DHX36: variants seen among roughly 807,000 people sequenced by gnomAD.
DHX36 encodes the protein ATP-dependent DNA/RNA helicase DHX36.
In DHX36, 50 loss-of-function variants were observed where a neutral mutation model predicts 139.0. The observed-to-expected ratio is 0.36, with a 90% CI of 0.29 to 0.46. The LOEUF is 0.46. Among genes scored for constraint, DHX36 ranks in the 20% least tolerant of loss-of-function variants. The pLI is 1.00. For synonymous variants in DHX36, 425 were observed against 401.9 expected (o/e 1.06, Z -0.69); for missense variants, 1,024 against 1,211.3 (o/e 0.85, Z 2.29).
chr3:154,282,062 C>A (rs547772773), intron 20 of DHX36, among the ~76,000 whole-genome samples: 1 of 152,228 alleles, frequency 6.6e-6, no homozygotes, highest in Non-Finnish European at 1.5e-5. Flanking sequence ...CTGGACATGA[C>A]ATTCTCAAAC....
At chr3:154,307,268 C>A (rs541550537) in intron 5 of DHX36, among the ~76,000 whole-genome samples, 1 of 152,108 alleles carries the variant, frequency 6.6e-6, no homozygotes, top group East Asian at 1.9e-4. Context: ...TAAAAATAGA[C>A]AAATGGGAAT....
chr3:154,283,890 A>ATTATGATCCTCTATT (rs1307718218), intron 19 of DHX36, among the ~76,000 whole-genome samples: 1 of 152,196 alleles, frequency 6.6e-6, no homozygotes, highest in African/African-American at 2.4e-5. Context: ...TATGTACATG[A>ATTATGATCCTCTATT]TTATGATCCT....
At position 154,315,123 on chromosome 3, in the gene DHX36, G is replaced by A. The variant is rs1424065620; in HGVS notation, c.526C>T (p.Pro176Ser). ...AATTTTTGGTCTAAAGTTCCATCTGGTTCATTTTCTTGCAAGAGATACTCA... is the reference window on the plus strand; with the variant it reads ...AATTTTTGGTCTAAAGTTCCATCTGATTCATTTTCTTGCAAGAGATACTCA... ...DSEYLLQENE[P>S]DGTLDQKLLE... Residue 176 changes from proline to serine, a missense_variant, in exon 3 of 25, where the codon CCA becomes TCA. Coordinates refer to ENST00000496811, the MANE Select transcript of DHX36 (RefSeq NM_020865.3). 6.2e-7 allele frequency: 1 copy of A among 1,612,602 alleles called. No homozygotes were observed. Among genetic ancestry groups the A allele is most frequent in the East Asian group, 2.2e-5 (1 of 44,772 alleles).
At chr3:154,294,214 G>GAACA (rs1346377068) in intron 13 of DHX36, among the ~76,000 whole-genome samples, 1 of 151,888 alleles carries the variant, frequency 6.6e-6, no homozygotes, top group Non-Finnish European at 1.5e-5. Flanking sequence ...CAACCCAGCA[G>GAACA]AACAAATGTC....
intron 20 of DHX36, among the ~76,000 whole-genome samples, chr3:154,282,706 G>A (rs866353952): frequency 7.2e-5 from 11 of 152,256 alleles, no homozygotes; most frequent in Admixed American, 6.5e-4. Flanking sequence ...TGTGTACTGG[G>A]AGAAGATGAG....
intron 17 of DHX36, among the ~76,000 whole-genome samples, chr3:154,287,539 C>T (rs767509067): frequency 6.6e-6 from 1 of 151,892 alleles, no homozygotes; most frequent in Non-Finnish European, 1.5e-5. Context: ...CCTGTAATCC[C>T]AGCAGGAGGC....
At chr3:154,295,986 T>A (rs56146631) in intron 12 of DHX36, among the ~76,000 whole-genome samples, 1,721 of 152,238 alleles carry the variant, frequency 0.011, 31 homozygotes, top group African/African-American at 0.04. Flanking sequence ...CAGGCTGGTC[T>A]TGAACTCCCA....
At chr3:154,321,955 GA>G (rs1190532057) in intron 1 of DHX36, among the ~76,000 whole-genome samples, 4 of 147,578 alleles carry the variant, frequency 2.7e-5, no homozygotes, top group African/African-American at 7.5e-5. Flanking sequence ...TCTTCATTTT[GA>G]AAACACATGA....
At chr3:154,314,403 G>A (rs1402862805) in intron 3 of DHX36, among the ~76,000 whole-genome samples, 1 of 152,128 alleles carries the variant, frequency 6.6e-6, no homozygotes, top group East Asian at 1.9e-4. Flanking sequence ...ACAGCAGTAT[G>A]TATTTACATA....
intron 17 of DHX36, among the ~76,000 whole-genome samples, chr3:154,287,904 T>C (rs891203759): frequency 7.9e-5 from 12 of 151,834 alleles, no homozygotes; most frequent in African/African-American, 2.4e-4. Flanking sequence ...AACCACTACA[T>C]ACCTACCAGC....
intron 12 of DHX36, among the ~76,000 whole-genome samples, chr3:154,296,217 G>A (rs893961940): frequency 1.3e-5 from 2 of 152,202 alleles, no homozygotes; most frequent in African/African-American, 4.8e-5. Context: ...GCTCATGCCT[G>A]TAATCCCAGC....
Position 154,276,119 on chromosome 3 carries a change from A to T in DHX36, c.*52T>A. The T allele has an allele frequency of 3.2e-6, 5 of 1,563,318 alleles. No homozygotes were observed. Among genetic ancestry groups the T allele is most frequent in the Non-Finnish European group, 4.3e-6 (5 of 1,155,320 alleles). ...TTGGCATCCAGCCAAAATTTAAACA[A>T]TGATGAAGAATGGCTGTCAAACTGG... On this transcript the variant is annotated 3_prime_UTR_variant, in exon 25 of 25. Coordinates refer to ENST00000496811, the MANE Select transcript of DHX36 (RefSeq NM_020865.3).
chr3:154,312,677 C>A (rs1486252614), intron 3 of DHX36, among the ~76,000 whole-genome samples: 1 of 150,490 alleles, frequency 6.6e-6, no homozygotes, highest in East Asian at 2.0e-4. Context: ...CCCGTCTCTA[C>A]TAAAAATACA....
Position 154,275,943 on chromosome 3 carries a change from C to T in DHX36, c.*228G>A, listed in dbSNP as rs2108327583. On this transcript the variant is annotated 3_prime_UTR_variant, in exon 25 of 25. Coordinates refer to ENST00000496811, the MANE Select transcript of DHX36 (RefSeq NM_020865.3). ...TCCCAAAGAGTGGGCATGACCACAG[C>T]AGAGTATATGATCAGAGAACATATT... The T allele has an allele frequency of 3.4e-6, 1 of 294,810 alleles. No individual in the cohort carries two copies. Among genetic ancestry groups the T allele is most frequent in the Non-Finnish European group, 6.1e-6 (1 of 164,844 alleles). 18.3% of individuals were successfully genotyped at this position (294,810 alleles called of 1,614,324 possible). A position where few individuals can be genotyped will look rare whatever the true frequency, so the allele number is the denominator to read the frequency against.
At chr3:154,300,927 C>T in intron 10 of DHX36, 60 bp downstream of exon 10, 2 of 1,593,934 alleles carry the variant, frequency 1.3e-6, no homozygotes, top group Non-Finnish European at 1.7e-6. Flanking sequence ...ATGCCCCCAG[C>T]CTCTGGCTTT....
In DHX36 at chr3:154,276,218, T is replaced by G. The variant is rs555450521; in HGVS notation, c.2980A>C (p.Thr994Pro). The change falls in exon 25 of 25, where the codon ACT (threonine) becomes CCT (proline). Residue 994 changes from threonine to proline, a missense_variant. Coordinates refer to ENST00000496811, the MANE Select transcript of DHX36 (RefSeq NM_020865.3). ...AATCGTGGCGGAAAGTTCCTGGGAG[T>G]TGCCTTTTCCTGTGTTTTGATCAAG... ...IDLIKTQEKA[T>P]PRNFPPRFQD... 1.2e-6 allele frequency: 2 copies of G among 1,612,892 alleles called. No homozygotes were observed. The highest frequency in any genetic ancestry group is 1.1e-5 in the South Asian group (1 of 90,860).
chr3:154,285,071 C>T, intron 17 of DHX36, 84 bp from the exon 18 acceptor site: 1 of 1,325,656 alleles, frequency 7.5e-7, no homozygotes, highest in Non-Finnish European at 1.0e-6. Flanking sequence ...AAAAGAGTAA[C>T]AAGCCACTAC....
At chr3:154,281,127 T>C (rs145090064) in intron 20 of DHX36, among the ~76,000 whole-genome samples, 34 of 152,276 alleles carry the variant, frequency 2.2e-4, no homozygotes, top group African/African-American at 3.8e-4. Flanking sequence ...TGAGATCTTA[T>C]GGCCTGTAAG....
rs1409227459 is a variant in DHX36 at position 154,292,764 on chromosome 3, G to A, written c.1671-70C>T. The A allele has an allele frequency of 1.2e-5, 18 of 1,513,614 alleles. No individual in the cohort carries two copies. The African/African-American group carries it at 2.2e-4, about 18-fold the overall frequency. 93.8% of individuals were successfully genotyped at this position (1,513,614 alleles called of 1,614,324 possible). Reference sequence around the variant, plus strand: ...ACACACACACACACACACACACATCGAAAGCACTATTAACCTATAAAAGAC... The same window carrying A: ...ACACACACACACACACACACACATCAAAAGCACTATTAACCTATAAAAGAC... On this transcript the variant is annotated intron_variant, in intron 14 of 24. Transcript: ENST00000496811.
Sources: gnomAD v4.1 joint callset for allele counts (sites outside exome capture counted in the v4.1 genomes callset) on GRCh38, gnomAD v4.1.1 for gene constraint, MANE v1.5 for transcripts, NCBI Gene and HGNC (gene_info 2026-07-23, HGNC 2026-07-21) for gene names.